Variants in RBFOX1 observed in about 807,000 individuals in gnomAD.
The protein encoded by RBFOX1 is RNA binding fox-1 homolog 1, also known as RNA binding protein fox-1 homolog 1.
In RBFOX1, 8 loss-of-function variants were observed where a neutral mutation model predicts 57.7. That is an observed-to-expected ratio of 0.14 (90% CI 0.08 to 0.25). The LOEUF (loss-of-function observed/expected upper bound fraction) is 0.25, where lower values mean the gene tolerates loss of function less well. Among genes scored for constraint, RBFOX1 ranks in the 10% least tolerant of loss-of-function variants. The pLI is 1.00. For missense variants in RBFOX1, 611 were observed against 548.5 expected, an observed-to-expected ratio of 1.11 and a Z score of -1.14; for synonymous variants, 326 against 222.4, an observed-to-expected ratio of 1.47 and a Z score of -4.15.
intron 1 of RBFOX1, among the ~76,000 whole-genome samples, chr16:6,025,522 C>A (rs1266751085): frequency 1.3e-5 from 2 of 152,198 alleles, no homozygotes; most frequent in African/African-American, 4.8e-5. Context: ...CCTGCATGAG[C>A]AGCCGCACCC....
intron 4 of RBFOX1, among the ~76,000 whole-genome samples, chr16:7,246,633 CTTTT>C (rs56654382): frequency 6.5e-4 from 69 of 105,472 alleles, no homozygotes; most frequent in Middle Eastern, 5.9e-3. Flanking sequence ...TGGTCACCTC[CTTTT>C]TTTTTTTTTT....
intron 2 of RBFOX1, among the ~76,000 whole-genome samples, chr16:6,642,815 G>A (rs2098503244): frequency 6.6e-6 from 1 of 152,008 alleles, no homozygotes; most frequent in Admixed American, 6.6e-5. Context: ...TAGGCCCCCT[G>A]AAGATTCCTC....
chr16:6,572,472 G>A (rs927751850), intron 2 of RBFOX1, among the ~76,000 whole-genome samples: 1 of 152,150 alleles, frequency 6.6e-6, no homozygotes, highest in East Asian at 1.9e-4. Context: ...AAGCGTGCAT[G>A]TACAAATATA....
At chr16:7,253,341 C>A (rs1344011859) in intron 4 of RBFOX1, among the ~76,000 whole-genome samples, 1 of 151,994 alleles carries the variant, frequency 6.6e-6, no homozygotes, top group Admixed American at 6.6e-5. Flanking sequence ...AGAGCGGAGA[C>A]ATGTCAGGCT....
intron 4 of RBFOX1, among the ~76,000 whole-genome samples, chr16:7,193,843 C>T (rs183714069): frequency 2.0e-3 from 301 of 152,192 alleles, no homozygotes; most frequent in African/African-American, 6.7e-3. Context: ...AATGATCAGA[C>T]ATGTCACAAG....
chr16:7,372,488 A>G (rs2097585704), intron 4 of RBFOX1, among the ~76,000 whole-genome samples: 1 of 152,186 alleles, frequency 6.6e-6, no homozygotes, highest in East Asian at 1.9e-4. Flanking sequence ...GCCTGTGGCC[A>G]TGTACAGAAA....
chr16:7,155,712 A>AAATATAT (rs1195367029), intron 4 of RBFOX1, among the ~76,000 whole-genome samples: 68 of 77,340 alleles, frequency 8.8e-4, no homozygotes, highest in African/African-American at 4.1e-3. Flanking sequence ...AAAAAAAAAA[A>AAATATAT]ATATATATAT....
At chr16:6,582,994 C>T (rs542469720) in intron 2 of RBFOX1, among the ~76,000 whole-genome samples, 3 of 150,438 alleles carry the variant, frequency 2.0e-5, no homozygotes, top group South Asian at 2.1e-4. Flanking sequence ...CTCTTCCTCA[C>T]TCTTCTCTCC....
chr16:6,018,560 G>T (rs926179226), upstream of RBFOX1, among the ~76,000 whole-genome samples: 1 of 152,260 alleles, frequency 6.6e-6, no homozygotes, highest in South Asian at 2.1e-4. Context: ...GCTGTGCGGG[G>T]TGGGGGCGTC....
intron 3 of RBFOX1, among the ~76,000 whole-genome samples, chr16:5,742,053 T>A (rs1283547927): frequency 1.3e-5 from 2 of 152,326 alleles, no homozygotes; most frequent in African/African-American, 2.4e-5. Flanking sequence ...ATCAGATTTT[T>A]AAAAAATGCT....
chr16:6,559,216 G>C (rs1388460900), intron 2 of RBFOX1, among the ~76,000 whole-genome samples: 2 of 151,872 alleles, frequency 1.3e-5, no homozygotes, highest in African/African-American at 4.8e-5. Flanking sequence ...CACATGTCAT[G>C]TCAATGTCTA....
At chr16:6,790,547 A>G (rs1245681300) in intron 3 of RBFOX1, among the ~76,000 whole-genome samples, 2 of 151,964 alleles carry the variant, frequency 1.3e-5, no homozygotes, top group African/African-American at 4.8e-5. Flanking sequence ...CTCCTTTCCT[A>G]TTTAGCCTCT....
Position 6,815,273 on chromosome 16 carries a change from C to T in RBFOX1, c.-16+160623C>T, listed in dbSNP as rs185274286. On this transcript the variant is annotated intron_variant, in intron 3 of 15. Transcript: ENST00000550418. ...CATCTTGGTTTTGGTGGGTTTTGGC[C>T]GACTTCTTTGCCACTTGCTATTTTA... Among the ~76,000 whole-genome samples the T allele has an allele frequency of 1.2e-4, 18 of 152,088 alleles. No homozygotes were observed. The East Asian group carries it at 1.6e-3, about 13-fold the overall frequency.
chr16:6,956,312 T>C lies in RBFOX1; in HGVS notation c.-15-95745T>C, dbSNP rs558959571. Among the ~76,000 whole-genome samples, 289 of 152,282 alleles carry C rather than the reference T, an allele frequency of 1.9e-3. 2 individuals are homozygous for C. Among genetic ancestry groups the C allele is most frequent in the Non-Finnish European group, 3.8e-3 (258 of 68,016 alleles). On this transcript the variant is annotated intron_variant, in intron 3 of 15. Coordinates refer to ENST00000550418, the MANE Select transcript of RBFOX1 (RefSeq NM_018723.4). Reference sequence around the variant, plus strand: ...AGAGAGTCTTGCTAAGGAATCCCCATTCGTCATCTCCCACATTAATTATTC... The same window carrying C: ...AGAGAGTCTTGCTAAGGAATCCCCACTCGTCATCTCCCACATTAATTATTC...
chr16:5,548,275 C>G (rs904170817), intron 2 of RBFOX1, among the ~76,000 whole-genome samples: 1 of 146,650 alleles, frequency 6.8e-6, no homozygotes, highest in Non-Finnish European at 1.5e-5. Flanking sequence ...CTGTGGGGTA[C>G]TATGCTCACT....
chr16:5,859,639 G>C (rs1362587340), intron 3 of RBFOX1, among the ~76,000 whole-genome samples: 4 of 152,096 alleles, frequency 2.6e-5, no homozygotes, highest in African/African-American at 9.7e-5. Context: ...GTGACAGGGA[G>C]GATAAAACTC....
chr16:5,290,677 T>C (rs189771130), intron 1 of RBFOX1, among the ~76,000 whole-genome samples: 1 of 150,376 alleles, frequency 6.6e-6, no homozygotes, highest in East Asian at 2.0e-4. Flanking sequence ...CTGAGGTTGA[T>C]AGGCATAGAG....
At chr16:7,580,490 A>C (rs2093673245) in intron 6 of RBFOX1, among the ~76,000 whole-genome samples, 1 of 152,174 alleles carries the variant, frequency 6.6e-6, no homozygotes, top group South Asian at 2.1e-4. Context: ...GTCCATGTTG[A>C]TTCCTGAAGT....
chr16:6,934,152 G>C (rs115401404), intron 3 of RBFOX1, among the ~76,000 whole-genome samples: 1 of 152,084 alleles, frequency 6.6e-6, no homozygotes, highest in African/African-American at 2.4e-5. Flanking sequence ...TGGGCTTCTG[G>C]TACAGAGTTT....
Sources: allele counts gnomAD v4.1 joint callset (sites outside exome capture counted in the v4.1 genomes callset), GRCh38; gene constraint gnomAD v4.1.1; transcripts MANE v1.5; gene names NCBI Gene and HGNC (gene_info 2026-07-23, HGNC 2026-07-21).